Variants in TYW1 observed in about 807,000 individuals in gnomAD.
TYW1 encodes the protein S-adenosyl-L-methionine-dependent tRNA 4-demethylwyosine synthase TYW1.
In TYW1, 46 loss-of-function variants were observed where a neutral mutation model predicts 96.2. The observed-to-expected ratio is 0.48, with a 90% CI of 0.38 to 0.61. TYW1 has a LOEUF of 0.61. TYW1 is among the 20% of genes least tolerant of loss of function. The pLI, the probability that TYW1 is intolerant of heterozygous loss-of-function variation, is 0.00. For synonymous variants in TYW1, 274 were observed against 323.0 expected (o/e 0.85, Z 1.63); for missense variants, 684 against 909.6 (o/e 0.75, Z 3.19).
At chr7:67,106,037 A>G (rs1797229707) in intron 12 of TYW1, among the ~76,000 whole-genome samples, 1 of 151,838 alleles carries the variant, frequency 6.6e-6, no homozygotes, top group Non-Finnish European at 1.5e-5. Flanking sequence ...AGCTGGGATT[A>G]CAGGCATTTG....
At chr7:67,052,668 A>G (rs1210197438) in intron 8 of TYW1, among the ~76,000 whole-genome samples, 1 of 152,090 alleles carries the variant, frequency 6.6e-6, no homozygotes, top group Non-Finnish European at 1.5e-5. Flanking sequence ...TGCATACTTC[A>G]TATCTTTGAT....
At chr7:67,145,172 C>T (rs185093984) in intron 13 of TYW1, among the ~76,000 whole-genome samples, 10 of 118,202 alleles carry the variant, frequency 8.5e-5, no homozygotes, top group Admixed American at 2.8e-4. Flanking sequence ...TTTTTTGAAA[C>T]GAGTCTCGCT....
chr7:67,011,689 C>A (rs1366704533), intron 4 of TYW1, among the ~76,000 whole-genome samples: 1 of 151,754 alleles, frequency 6.6e-6, no homozygotes, highest in African/African-American at 2.4e-5. Context: ...CTGGCCAACA[C>A]GGTGAAACCA....
chr7:67,181,861 A>G (rs1799852947), intron 13 of TYW1, among the ~76,000 whole-genome samples: 1 of 151,888 alleles, frequency 6.6e-6, no homozygotes, highest in Admixed American at 6.6e-5. Context: ...TTATTTTGAG[A>G]CAGTCTTGCT....
intron 9 of TYW1, among the ~76,000 whole-genome samples, chr7:67,065,014 A>C (rs1305467017): frequency 6.6e-6 from 1 of 152,222 alleles, no homozygotes; most frequent in Non-Finnish European, 1.5e-5. Flanking sequence ...CTCTTCTCAC[A>C]TGCTTCTATG....
At chr7:67,017,212 G>A (rs1472368710) in intron 5 of TYW1, among the ~76,000 whole-genome samples, 3 of 151,980 alleles carry the variant, frequency 2.0e-5, no homozygotes, top group Admixed American at 2.0e-4. Context: ...TGAACTCCTG[G>A]CCTGAAACAA....
chr7:67,235,471 A>C (rs1439284101), intron 15 of TYW1, among the ~76,000 whole-genome samples: 1 of 152,174 alleles, frequency 6.6e-6, no homozygotes, highest in Non-Finnish European at 1.5e-5. Context: ...TGCCTCTGTC[A>C]TGAATACACA....
intron 15 of TYW1, among the ~76,000 whole-genome samples, chr7:67,225,363 C>T (rs965917951): frequency 1.3e-5 from 2 of 152,096 alleles, no homozygotes; most frequent in African/African-American, 4.8e-5. Context: ...GAGTCCCTGT[C>T]CCAGCACAGC....
intron 14 of TYW1, among the ~76,000 whole-genome samples, chr7:67,184,591 C>CATTTTATTTTATTTT (rs202120294): frequency 1.2e-5 from 1 of 84,176 alleles, no homozygotes; most frequent in Non-Finnish European, 2.4e-5. Flanking sequence ...TCTGAGATGA[C>CATTTTATTTTATTTT]ATTTTATTTT....
At chr7:67,031,142 G>C (rs1325450125) in intron 7 of TYW1, among the ~76,000 whole-genome samples, 1 of 138,374 alleles carries the variant, frequency 7.2e-6, no homozygotes. Flanking sequence ...GCAGTGAGCT[G>C]AGATTGCGCC....
At chr7:67,228,731 G>C (rs1274596055) in intron 15 of TYW1, among the ~76,000 whole-genome samples, 1 of 152,102 alleles carries the variant, frequency 6.6e-6, no homozygotes, top group Non-Finnish European at 1.5e-5. Flanking sequence ...TGTATGATTA[G>C]AACTTTTTTC....
intron 13 of TYW1, among the ~76,000 whole-genome samples, chr7:67,174,748 C>T (rs1799618092): frequency 6.7e-6 from 1 of 149,898 alleles, no homozygotes; most frequent in South Asian, 2.1e-4. Context: ...AAAAATCTTA[C>T]AAAACTGATG....
intron 13 of TYW1, among the ~76,000 whole-genome samples, chr7:67,128,528 T>A (rs1484915353): frequency 6.6e-6 from 1 of 152,136 alleles, no homozygotes; most frequent in Non-Finnish European, 1.5e-5. Flanking sequence ...TTGTGCTATC[T>A]CTTTAAACTT....
At chr7:67,046,290 T>A (rs1197073453) in intron 7 of TYW1, among the ~76,000 whole-genome samples, 1 of 152,122 alleles carries the variant, frequency 6.6e-6, no homozygotes, top group South Asian at 2.1e-4. Flanking sequence ...TGTGGTTGAC[T>A]TTTTAGTTCT....
intron 12 of TYW1, among the ~76,000 whole-genome samples, chr7:67,105,191 A>G (rs1797198426): frequency 6.6e-6 from 1 of 152,248 alleles, no homozygotes; most frequent in African/African-American, 2.4e-5. Flanking sequence ...CAAGTCAATG[A>G]GAAGGCACTC....
chr7:67,139,396 G>C (rs1334196609), intron 13 of TYW1, among the ~76,000 whole-genome samples: 4 of 152,150 alleles, frequency 2.6e-5, no homozygotes, highest in African/African-American at 9.7e-5. Flanking sequence ...AATCGAGCAA[G>C]TATTTGTAAT....
At chr7:67,101,915 A>T (rs1221441231) in intron 12 of TYW1, among the ~76,000 whole-genome samples, 1 of 152,240 alleles carries the variant, frequency 6.6e-6, no homozygotes, top group East Asian at 1.9e-4. Flanking sequence ...TTGAAGTTGT[A>T]TAAAAAGGTG....
At chr7:67,145,646 G>GTA (rs1798586515) in intron 13 of TYW1, among the ~76,000 whole-genome samples, 1 of 152,162 alleles carries the variant, frequency 6.6e-6, no homozygotes, top group Non-Finnish European at 1.5e-5. Flanking sequence ...AATGCATTGG[G>GTA]TATATATTTC....
chr7:67,197,219 A>T (rs1404940375), intron 15 of TYW1, among the ~76,000 whole-genome samples: 1 of 152,134 alleles, frequency 6.6e-6, no homozygotes, highest in African/African-American at 2.4e-5. Flanking sequence ...TTTTATTTTT[A>T]TAAAACCACC....
Sources: gnomAD v4.1 joint callset for allele counts (sites outside exome capture counted in the v4.1 genomes callset) on GRCh38, gnomAD v4.1.1 for gene constraint, MANE v1.5 for transcripts, NCBI Gene and HGNC (gene_info 2026-07-23, HGNC 2026-07-21) for gene names.